COL16A1: variants seen among roughly 807,000 people sequenced by gnomAD.
COL16A1 encodes the protein collagen type XVI alpha 1 chain, also known as collagen alpha-1(XVI) chain.
A neutral mutation model predicts 266.3 loss-of-function variants in COL16A1; 189 were observed. That is an observed-to-expected ratio of 0.71 (90% CI 0.63 to 0.80). The LOEUF (loss-of-function observed/expected upper bound fraction) is 0.80, where lower values mean the gene tolerates loss of function less well. COL16A1 is among the 30% of genes least tolerant of loss of function. The pLI is 0.00. For synonymous variants in COL16A1, 740 were observed against 782.3 expected (o/e 0.95, Z 0.90); for missense variants, 1,928 against 2,122.4 (o/e 0.91, Z 1.80).
chr1:31,661,053 C>A lies in COL16A1; in HGVS notation c.3825+13G>T, dbSNP rs1337539993. The A allele has an allele frequency of 6.4e-7, 1 of 1,558,636 alleles. No individual in the cohort carries two copies. Among genetic ancestry groups the A allele is most frequent in the Non-Finnish European group, 8.7e-7 (1 of 1,150,444 alleles). ...GCAAACTGAAGGCAGCCATGTGGAT[C>A]CCTGGCCCTCACCTCTGCGCCAGGC... On this transcript the variant is annotated intron_variant, in intron 61 of 70. Coordinates refer to ENST00000373672, the MANE Select transcript of COL16A1 (RefSeq NM_001856.4).
Position 31,685,851 on chromosome 1 carries a change from A to T in COL16A1, c.1885-81T>A. 1 of 1,586,832 alleles carries T rather than the reference A, an allele frequency of 6.3e-7. No homozygotes were observed. The highest frequency in any genetic ancestry group is 8.6e-7 in the Non-Finnish European group (1 of 1,162,076). The stretch of plus-strand genomic sequence containing the variant: ...GAGGTTTGGAATCTAGGGCTGGGGA[A>T]TGTCACTGGGTCTGACACTGCACCT... On this transcript the variant is annotated intron_variant, in intron 28 of 70. Coordinates refer to ENST00000373672, the MANE Select transcript of COL16A1 (RefSeq NM_001856.4). The surrounding 1 kb of genome is among the most constrained non-coding windows in gnomAD (Gnocchi z 4.0).
At chr1:31,659,003 A>T in intron 62 of COL16A1, 39 bp from the exon 63 acceptor site, 2 of 1,543,792 alleles carry the variant, frequency 1.3e-6, no homozygotes, top group Non-Finnish European at 1.8e-6. Flanking sequence ...AACAGGTTCT[A>T]ATAGTAAGAC....
intron 44 of COL16A1, among the ~76,000 whole-genome samples, chr1:31,674,139 C>T (rs1642975839): frequency 6.6e-6 from 1 of 152,188 alleles, no homozygotes; most frequent in Non-Finnish European, 1.5e-5. Context: ...AAGGGGTAGA[C>T]AGCCCCCATG....
rs1557616178 is a variant in COL16A1, at chr1:31,661,686, C to G, written c.3700G>C (p.Gly1234Arg). The change falls in exon 59 of 71, where the codon GGC (glycine) becomes CGC (arginine). Residue 1234 changes from glycine (G) to arginine (R), a missense_variant. Coordinates refer to ENST00000373672, the MANE Select transcript of COL16A1 (RefSeq NM_001856.4). ...PGLRGDPGPA[G>R]PPGLMGPPGF... ...GGTGGTCCCATGAGTCCAGGGGGGCCAGCAGGACCAGGGTCCCCCTAGGGA... is the reference window on the plus strand; with the variant it reads ...GGTGGTCCCATGAGTCCAGGGGGGCGAGCAGGACCAGGGTCCCCCTAGGGA... 6.2e-7 allele frequency: 1 copy of G among 1,602,982 alleles called. No homozygotes were observed.
At chr1:31,669,810 C>T (rs1642486339) in intron 49 of COL16A1, 1 of 152,288 alleles carries the variant, frequency 6.6e-6, no homozygotes, top group Non-Finnish European at 1.5e-5. Flanking sequence ...TGTAAACACA[C>T]CTGTGACGAT....
chr1:31,671,637 G>C lies in COL16A1; in HGVS notation c.3128C>G (p.Ser1043Cys). The C allele has an allele frequency of 1.2e-6, 2 of 1,614,074 alleles. No homozygotes were observed. The highest frequency in any genetic ancestry group is 2.2e-5 in the South Asian group (2 of 91,084). ...TACGATAGGGCCTGGAGGACCCGGG[G>C]AGCCCCTCATGCCAGGCGGACCCTG... ...GEEGPPGMRG[S>C]PGPPGPIGPP... Residue 1043 changes from serine (S) to cysteine (C), a missense_variant, in exon 48 of 71, where the codon TCC becomes TGC. Physicochemically the swap from Ser to Cys is moderately radical, Grantham distance 112. Coordinates refer to ENST00000373672, the MANE Select transcript of COL16A1 (RefSeq NM_001856.4).
intron 26 of COL16A1, among the ~76,000 whole-genome samples, chr1:31,687,689 G>A (rs891344933): frequency 6.6e-6 from 1 of 151,928 alleles, no homozygotes; most frequent in Non-Finnish European, 1.5e-5. Context: ...GCTTTGAGGG[G>A]CTGGCTGTGA....
Position 31,698,314 on chromosome 1 carries a change from C to CTATA in COL16A1, c.391-146_391-143dup. On this transcript the variant is annotated intron_variant, in intron 5 of 70. Coordinates refer to ENST00000373672, the MANE Select transcript of COL16A1 (RefSeq NM_001856.4). The surrounding 1 kb of genome is among the most constrained non-coding windows in gnomAD (Gnocchi z 4.1). ...AAGAAAGCCGGCTGGGGTCAAGGAG[C>CTATA]TATACATCCTGAAAGAATGAGGTAG... is the stretch of plus-strand genomic sequence containing the variant. 1 of 1,533,380 alleles carries CTATA rather than the reference C, an allele frequency of 6.5e-7. No homozygotes were observed. Among genetic ancestry groups the CTATA allele is most frequent in the Non-Finnish European group, 8.8e-7 (1 of 1,140,866 alleles). 95.0% of individuals were successfully genotyped at this position (1,533,380 alleles called of 1,614,324 possible). A position where few individuals can be genotyped will look rare whatever the true frequency, so the allele number is the denominator to read the frequency against.
intron 64 of COL16A1, 103 bp downstream of exon 64, chr1:31,658,385 C>T (rs772243934): frequency 1.5e-5 from 15 of 1,003,178 alleles, no homozygotes; most frequent in Non-Finnish European, 2.3e-5. Context: ...TGCTGACAGC[C>T]TCTCCTTCCT....
chr1:31,689,330 A>G (rs1644147607), intron 23 of COL16A1: 2 of 633,900 alleles, frequency 3.2e-6, no homozygotes, highest in Admixed American at 3.0e-5. Context: ...ATACCCAATC[A>G]CCTTTTTGTC....
At chr1:31,658,687 G>T in intron 63 of COL16A1, 110 bp from the exon 64 acceptor site, 2 of 1,119,292 alleles carry the variant, frequency 1.8e-6, no homozygotes, top group South Asian at 1.4e-5. Flanking sequence ...AGGGAGAGGT[G>T]GCACTGCCTG....
chr1:31,671,307 T>G (rs1202204942), intron 48 of COL16A1, among the ~76,000 whole-genome samples: 1 of 152,148 alleles, frequency 6.6e-6, no homozygotes, highest in East Asian at 1.9e-4. Context: ...CTAGGCCCCC[T>G]GCCGAGGGCG....
At chr1:31,694,010 T>C in intron 12 of COL16A1, 134 bp downstream of exon 12, 1 of 761,296 alleles carries the variant, frequency 1.3e-6, no homozygotes, top group Non-Finnish European at 2.1e-6. Context: ...TTACCACGCA[T>C]ACACTTAATC....
intron 42 of COL16A1, among the ~76,000 whole-genome samples, 156 bp from the exon 43 acceptor site, chr1:31,675,467 G>T (rs1334214727): frequency 1.3e-5 from 2 of 152,132 alleles, no homozygotes; most frequent in Non-Finnish European, 2.9e-5. Context: ...TAGCTCAAAA[G>T]CCTCTCGACC....
In COL16A1 at chr1:31,690,712, C is replaced by T. The variant is rs768911731; in HGVS notation, c.1438-139G>A. ...CTTGTTGCCATTTGTTCCATTCGGTCGGTTCCTGTTGCCTGCCCTCCGTGT... is the reference window on the plus strand; with the variant it reads ...CTTGTTGCCATTTGTTCCATTCGGTTGGTTCCTGTTGCCTGCCCTCCGTGT... On this transcript the variant is annotated intron_variant, in intron 20 of 70. Transcript: ENST00000373672. 5.7e-6 allele frequency: 8 copies of T among 1,400,220 alleles called. No individual in the cohort carries two copies. The African/African-American group carries it at 7.2e-5, about 13-fold the overall frequency. 86.7% of individuals were successfully genotyped at this position (1,400,220 alleles called of 1,614,324 possible). A position where few individuals can be genotyped will look rare whatever the true frequency, so the allele number is the denominator to read the frequency against.
chr1:31,671,263 T>A (rs894142205), intron 48 of COL16A1, among the ~76,000 whole-genome samples: 1 of 152,240 alleles, frequency 6.6e-6, no homozygotes, highest in African/African-American at 2.4e-5. Flanking sequence ...GCATGCCGCA[T>A]GCTTCCCTGG....
At chr1:31,666,597 C>T (rs1292132631) in intron 52 of COL16A1, among the ~76,000 whole-genome samples, 1 of 152,072 alleles carries the variant, frequency 6.6e-6, no homozygotes, top group Non-Finnish European at 1.5e-5. Flanking sequence ...ACCTAGAATG[C>T]CCCCTTCCCC....
rs41303411 is a variant in COL16A1, at chr1:31,694,115, G to T, written c.1008+29C>A. On this transcript the variant is annotated intron_variant, in intron 12 of 70. Coordinates refer to ENST00000373672, the MANE Select transcript of COL16A1 (RefSeq NM_001856.4). ...ATGGCTGGGGATGCTAAAGAGGACG[G>T]GAATGTCCCGTTCTCCATTAGGACT... is the stretch of plus-strand genomic sequence containing the variant. 8,096 of 1,597,322 alleles carry T rather than the reference G, an allele frequency of 5.1e-3. 33 individuals are homozygous for T. Among genetic ancestry groups the T allele is most frequent in the Non-Finnish European group, 6.2e-3 (7,246 of 1,169,802 alleles).
intron 67 of COL16A1, 52 bp downstream of exon 67, chr1:31,655,262 C>G (rs1053348708): frequency 6.4e-7 from 1 of 1,563,752 alleles, no homozygotes; most frequent in African/African-American, 1.4e-5. Context: ...AGCTCCACCC[C>G]ACATGCCTGC....
Sources: allele counts gnomAD v4.1 joint callset (sites outside exome capture counted in the v4.1 genomes callset), GRCh38; gene constraint gnomAD v4.1.1; non-coding constraint Gnocchi (gnomAD v3.1); transcripts MANE v1.5; gene names NCBI Gene and HGNC (gene_info 2026-07-23, HGNC 2026-07-21).